The following C18orf54 variants were observed in gnomAD, a reference collection of about 807,000 sequenced individuals.
C18orf54 encodes lung adenoma susceptibility protein 2.
In C18orf54, 49 loss-of-function variants were observed where a neutral mutation model predicts 49.3. The ratio of observed to expected loss-of-function variants is 0.99; its 90% confidence interval spans 0.79 to 1.26. The LOEUF (loss-of-function observed/expected upper bound fraction) is 1.26, where lower values mean the gene tolerates loss of function less well. C18orf54 is among the 50% of genes most tolerant of loss of function. The pLI is 0.00. For synonymous variants in C18orf54, 211 were observed against 216.6 expected, an observed-to-expected ratio of 0.97 and a Z score of 0.23; for missense variants, 687 against 620.6, an observed-to-expected ratio of 1.11 and a Z score of -1.14.
At chr18:54,366,987 C>T (rs1056195969) in intron 6 of C18orf54, among the ~76,000 whole-genome samples, 1 of 152,036 alleles carries the variant, frequency 6.6e-6, no homozygotes, top group African/African-American at 2.4e-5. Context: ...CTCCTACTTC[C>T]TTTTGGTTAC....
chr18:54,372,647 AT>A (rs1237127264), intron 7 of C18orf54, 50 bp downstream of exon 7: 3 of 1,482,436 alleles, frequency 2.0e-6, no homozygotes, highest in Non-Finnish European at 2.7e-6. Flanking sequence ...TTGTATAAAG[AT>A]TTTTTTCTAC....
chr18:54,371,100 T>TC (rs1469750341), intron 6 of C18orf54, among the ~76,000 whole-genome samples: 1 of 152,126 alleles, frequency 6.6e-6, no homozygotes, highest in Non-Finnish European at 1.5e-5. Flanking sequence ...CACCAGAACT[T>TC]TATCTTCTCA....
In C18orf54 at chr18:54,365,710, C is replaced by A. The variant is rs1215533337; in HGVS notation, c.1224-9C>A. The A allele has an allele frequency of 1.3e-6, 2 of 1,531,084 alleles. No homozygotes were observed. The highest frequency in any genetic ancestry group is 1.2e-5 in the South Asian group (1 of 82,306). 94.8% of individuals were successfully genotyped at this position (1,531,084 alleles called of 1,614,324 possible). On this transcript the variant is annotated splice_polypyrimidine_tract_variant and intron_variant, in intron 5 of 8. Coordinates refer to ENST00000620105, the MANE Select transcript of C18orf54 (RefSeq NM_001288980.2). ...AATTGCTATCTTGCATCCTTTAAAT[C>A]CTGTTTAGCAAATCTCCTGTTCCCG...
chr18:54,367,511 C>T (rs982518341), intron 6 of C18orf54, among the ~76,000 whole-genome samples: 6 of 138,472 alleles, frequency 4.3e-5, no homozygotes, highest in East Asian at 2.2e-4. Flanking sequence ...TCTTGGCTTG[C>T]GATTTTTCTT....
chr18:54,374,213 G>T lies in C18orf54; in HGVS notation c.1459-1G>T. The T allele has an allele frequency of 6.4e-7, 1 of 1,566,288 alleles. No homozygotes were observed. The highest frequency in any genetic ancestry group is 8.7e-7 in the Non-Finnish European group (1 of 1,154,672). On this transcript the variant is annotated splice_acceptor_variant, in intron 7 of 8. Transcript: ENST00000620105. LOFTEE classifies it high-confidence loss of function. ...GTTATATTTGGTGTTTTTAATAATA[G>T]GTTTCAGAAGATGATTTCTCTAAAT... is the stretch of plus-strand genomic sequence containing the variant.
At position 54,361,743 on chromosome 18, in the gene C18orf54, A is replaced by G. The variant is rs149482083; in HGVS notation, c.384A>G (p.Leu128=). The change falls in exon 4 of 9, where the codon CTA becomes CTG. Residue 128 remains leucine, a synonymous_variant. Coordinates refer to ENST00000620105, the MANE Select transcript of C18orf54 (RefSeq NM_001288980.2). ...IDSMSLTTDD[L]LRLPADGSFS... is the part of the protein sequence containing the mutation. Reference sequence around the variant, plus strand: ...CCATGAGCCTAACAACTGATGATCTATTAAGACTCCCAGCAGATGGATCAT... The same window carrying G: ...CCATGAGCCTAACAACTGATGATCTGTTAAGACTCCCAGCAGATGGATCAT... 4.8e-5 allele frequency: 77 copies of G among 1,614,118 alleles called. No homozygotes were observed. In the African/African-American group the frequency reaches 9.7e-4, roughly 20 times the overall value.
At chr18:54,376,358 C>T (rs2089569597) in intron 8 of C18orf54, among the ~76,000 whole-genome samples, 1 of 152,160 alleles carries the variant, frequency 6.6e-6, no homozygotes, top group Non-Finnish European at 1.5e-5. Context: ...GCCACCATGC[C>T]CGGCTAATTT....
At chr18:54,364,739 T>G (rs1031009732) in intron 5 of C18orf54, among the ~76,000 whole-genome samples, 31 of 152,156 alleles carry the variant, frequency 2.0e-4, no homozygotes, top group African/African-American at 6.3e-4. Flanking sequence ...TAATAACAGA[T>G]GGGTGGCTCT....
rs1017875482 is a variant in C18orf54, at chr18:54,360,858, A to G, written c.283+3A>G. On this transcript the variant is annotated splice_donor_region_variant and intron_variant, in intron 3 of 8. Coordinates refer to ENST00000620105, the MANE Select transcript of C18orf54 (RefSeq NM_001288980.2). ...CTATATTTACAAACCAAACAATGGT[A>G]TGCTTTTATTCTTTGTTTTCTTTGT... is the stretch of plus-strand genomic sequence containing the variant. 1 of 1,606,636 alleles carries G rather than the reference A, an allele frequency of 6.2e-7. No homozygotes were observed.
At chr18:54,374,571 T>A (rs2089539669) in intron 8 of C18orf54, among the ~76,000 whole-genome samples, 1 of 151,860 alleles carries the variant, frequency 6.6e-6, no homozygotes, top group African/African-American at 2.4e-5. Flanking sequence ...AGTATTTTTG[T>A]GAGTATCCTA....
intron 3 of C18orf54, 35 bp from the exon 4 acceptor site, chr18:54,361,608 G>C (rs762883290): frequency 6.7e-7 from 1 of 1,496,014 alleles, no homozygotes. Flanking sequence ...TAAAATATTT[G>C]TATGTAATAA....
At chr18:54,374,307 G>A in intron 8 of C18orf54, 23 bp downstream of exon 8, 3 of 1,542,118 alleles carry the variant, frequency 1.9e-6, no homozygotes, top group Non-Finnish European at 2.6e-6. Context: ...TACTAATATG[G>A]ATACAAATCC....
Position 54,361,706 on chromosome 18 carries a change from A to G in C18orf54, c.347A>G (p.Asn116Ser). 1 of 1,613,938 alleles carries G rather than the reference A, an allele frequency of 6.2e-7. No homozygotes were observed. Among genetic ancestry groups the G allele is most frequent in the South Asian group, 1.1e-5 (1 of 91,020 alleles). The part of the protein sequence containing the change: ...NFISCRRHTV[N>S]DIDSMSLTTD... The stretch of plus-strand genomic sequence containing the variant: ...ATATCCTGTAGAAGACACACCGTTA[A>G]TGACATAGACTCCATGAGCCTAACA... The change falls in exon 4 of 9, where the codon AAT (asparagine) becomes AGT (serine). Residue 116 changes from asparagine to serine, a missense_variant. Physicochemically the swap from Asn to Ser is conservative, Grantham distance 46. Coordinates refer to ENST00000620105, the MANE Select transcript of C18orf54 (RefSeq NM_001288980.2).
intron 3 of C18orf54, 112 bp from the exon 4 acceptor site, chr18:54,361,531 G>A (rs1026972529): frequency 6.3e-5 from 56 of 892,268 alleles, no homozygotes; most frequent in Non-Finnish European, 9.0e-5. Flanking sequence ...CAAAGCTTTA[G>A]TGAGGATAAG....
intron 6 of C18orf54, among the ~76,000 whole-genome samples, chr18:54,368,107 T>A (rs1400483606): frequency 6.6e-6 from 1 of 152,126 alleles, no homozygotes; most frequent in Non-Finnish European, 1.5e-5. Flanking sequence ...TCAAATTATC[T>A]GTCTGTGTTT....
chr18:54,362,368 G>T lies in C18orf54; in HGVS notation c.1009G>T (p.Glu337Ter). The change falls in exon 4 of 9, where the codon GAA becomes TAA. Residue 337 changes from glutamate (E) to a stop codon, truncating the protein, a stop_gained. Coordinates refer to ENST00000620105, the MANE Select transcript of C18orf54 (RefSeq NM_001288980.2). LOFTEE classifies it high-confidence loss of function. ...AGTTAATGAATACAAATGTGATTTT[G>T]AACATAGCCAGTGTCAATGTGAGAA... Reference protein sequence around the residue: ...ELVNEYKCDFEHSQCQCENPL... With the variant: ...ELVNEYKCDF 2.6e-6 allele frequency: 4 copies of T among 1,535,326 alleles called. No homozygotes were observed. The South Asian group carries it at 3.6e-5, about 14-fold the overall frequency.
Position 54,374,998 on chromosome 18 carries a change from AC to A in C18orf54, c.1529+715del, listed in dbSNP as rs374211718. Among the ~76,000 whole-genome samples, 171 of 152,144 alleles carry A rather than the reference AC, an allele frequency of 1.1e-3. 3 individuals carry two copies. In the South Asian group the frequency reaches 0.03, roughly 27 times the overall value. On this transcript the variant is annotated intron_variant, in intron 8 of 8. Coordinates refer to ENST00000620105, the MANE Select transcript of C18orf54 (RefSeq NM_001288980.2). ...AATAAAACACTAGACATGTAAACTT[AC>A]GAATCTAATTGTCACAAATGTGTAT...
intron 2 of C18orf54, among the ~76,000 whole-genome samples, chr18:54,359,980 C>T (rs2089230360): frequency 6.6e-6 from 1 of 152,068 alleles, no homozygotes; most frequent in South Asian, 2.1e-4. Context: ...AGAATAAGAC[C>T]TGCAGTTTAT....
Position 54,361,811 on chromosome 18 carries a change from A to T in C18orf54, c.452A>T (p.Lys151Ile). ...GGACCGAGTCACCGAACGAGCAAGA[A>T]AAACAAGAAATGCCGTGGAAGACTG... ...YVGPSHRTSK[K>I]NKKCRGRLGS... Residue 151 changes from lysine (K) to isoleucine (I), a missense_variant, in exon 4 of 9, where the codon AAA becomes ATA. Transcript: ENST00000620105. The T allele has an allele frequency of 6.2e-7, 1 of 1,614,112 alleles. No individual in the cohort carries two copies. The highest frequency in any genetic ancestry group is 8.5e-7 in the Non-Finnish European group (1 of 1,179,986).
Sources: allele counts gnomAD v4.1 joint callset (sites outside exome capture counted in the v4.1 genomes callset), GRCh38; gene constraint gnomAD v4.1.1; transcripts MANE v1.5; gene names NCBI Gene and HGNC (gene_info 2026-07-23, HGNC 2026-07-21).